The following NAV2 variants were observed in gnomAD, a reference collection of about 807,000 sequenced individuals.
NAV2 encodes neuron navigator 2, also known as helicase, APC down-regulated 1.
In NAV2, 54 loss-of-function variants were observed where a neutral mutation model predicts 223.2. The ratio of observed to expected loss-of-function variants is 0.24; its 90% CI spans 0.19 to 0.30. The LOEUF (loss-of-function observed/expected upper bound fraction) is 0.30, where lower values mean the gene tolerates loss of function less well. Ranked by LOEUF, NAV2 falls within the 10% of genes least tolerant of loss-of-function variation. The pLI, the probability that NAV2 is intolerant of heterozygous loss-of-function variation, is 1.00. For synonymous variants in NAV2, 1,279 were observed against 1,239.3 expected, an observed-to-expected ratio of 1.03 and a Z score of -0.67; for missense variants, 2,806 against 3,147.5, an observed-to-expected ratio of 0.89 and a Z score of 2.60.
upstream of NAV2, among the ~76,000 whole-genome samples, chr11:19,346,862 A>G (rs1458574781): frequency 2.0e-5 from 3 of 152,216 alleles, no homozygotes; most frequent in Non-Finnish European, 4.4e-5. Flanking sequence ...GAAAAGCTAG[A>G]TTTCCAAGAA....
In NAV2 at chr11:19,955,587, AAG is replaced by A. The variant is rs200229645; in HGVS notation, c.2645+6513_2645+6514del. On this transcript the variant is annotated intron_variant, in intron 10 of 37. Coordinates refer to ENST00000349880, the MANE Select transcript of NAV2 (RefSeq NM_145117.5). ...AGCTTGACATTGTCAATACAAGAAA[AAG>A]AGAGAACTAGGGGCATTTGCCATGT... 4.7e-4 allele frequency among the ~76,000 whole-genome samples: 71 copies of A among 152,310 alleles called. No homozygotes were observed. The East Asian group carries it at 0.012, about 26-fold the overall frequency.
chr11:20,114,922 A>C, intron 37 of NAV2, 127 bp downstream of exon 37: 1 of 888,358 alleles, frequency 1.1e-6, no homozygotes, highest in Non-Finnish European at 1.7e-6. Context: ...CTGGACCCAA[A>C]TGACTGGGCC....
chr11:20,059,186 C>T (rs1212752948), intron 19 of NAV2, among the ~76,000 whole-genome samples: 3 of 152,076 alleles, frequency 2.0e-5, no homozygotes, highest in African/African-American at 7.2e-5. Flanking sequence ...CATTAGCCAT[C>T]AGCACTGCAT....
intron 10 of NAV2, among the ~76,000 whole-genome samples, chr11:19,969,305 T>C (rs2049028062): frequency 6.6e-6 from 1 of 152,158 alleles, no homozygotes; most frequent in African/African-American, 2.4e-5. Context: ...AGTGGACTCT[T>C]TGCTGGAGCC....
At chr11:19,965,579 G>A (rs1422764972) in intron 10 of NAV2, among the ~76,000 whole-genome samples, 1 of 152,106 alleles carries the variant, frequency 6.6e-6, no homozygotes, top group Admixed American at 6.5e-5. Flanking sequence ...CCTTTCTTCT[G>A]ATCCCAATGC....
chr11:20,115,655 A>AAAG (rs2063019730), intron 37 of NAV2, among the ~76,000 whole-genome samples: 1 of 147,008 alleles, frequency 6.8e-6, no homozygotes, highest in East Asian at 2.1e-4. Flanking sequence ...AAAAAAAAAA[A>AAAG]GCACCCGGGC....
At chr11:20,070,328 C>T (rs899067497) in intron 22 of NAV2, among the ~76,000 whole-genome samples, 3 of 152,316 alleles carry the variant, frequency 2.0e-5, no homozygotes, top group Admixed American at 2.0e-4. Context: ...TTCTGAGCTA[C>T]TCTCCTAGTT....
At chr11:19,626,103 T>G (rs1376502445) in intron 1 of NAV2, among the ~76,000 whole-genome samples, 1 of 152,236 alleles carries the variant, frequency 6.6e-6, no homozygotes, top group African/African-American at 2.4e-5. Context: ...TCATAAAATC[T>G]TCTCCAATAC....
intron 1 of NAV2, among the ~76,000 whole-genome samples, chr11:19,703,694 T>C (rs952139002): frequency 2.0e-5 from 3 of 152,220 alleles, no homozygotes; most frequent in African/African-American, 7.2e-5. Flanking sequence ...TAACATAGAT[T>C]GAAATTATCC....
At chr11:19,425,096 G>A (rs982549907) in intron 1 of NAV2, among the ~76,000 whole-genome samples, 2 of 151,984 alleles carry the variant, frequency 1.3e-5, no homozygotes, top group Admixed American at 6.6e-5. Context: ...ATAAGACTAC[G>A]GGCTATTATG....
intron 29 of NAV2, 82 bp from the exon 30 acceptor site, chr11:20,095,590 C>T: frequency 2.1e-6 from 2 of 962,724 alleles, no homozygotes; most frequent in Non-Finnish European, 3.4e-6. Context: ...TGGCGGAGTT[C>T]TAAGGCAACC....
At chr11:19,596,105 C>T (rs533675237) in intron 1 of NAV2, among the ~76,000 whole-genome samples, 30 of 152,278 alleles carry the variant, frequency 2.0e-4, no homozygotes, top group Admixed American at 5.9e-4. Flanking sequence ...CTGCAACCCA[C>T]GGTTTTGGAA....
intron 1 of NAV2, among the ~76,000 whole-genome samples, chr11:19,799,733 T>C (rs2058125402): frequency 6.6e-6 from 1 of 152,180 alleles, no homozygotes; most frequent in African/African-American, 2.4e-5. Context: ...GAGTCCCAAG[T>C]GCAGTAGAGA....
intron 1 of NAV2, among the ~76,000 whole-genome samples, chr11:19,456,837 ACT>A (rs1564950782): frequency 6.6e-6 from 1 of 151,892 alleles, no homozygotes; most frequent in East Asian, 1.9e-4. Flanking sequence ...CCAGGACTAG[ACT>A]CTCCTGGACA....
intron 1 of NAV2, among the ~76,000 whole-genome samples, chr11:19,793,226 A>AG (rs1182578774): frequency 7.9e-6 from 1 of 127,268 alleles, no homozygotes; most frequent in Non-Finnish European, 1.6e-5. Context: ...AAAAAAAAAA[A>AG]AAAGAAAGAA....
rs554375862 is a variant in NAV2 at position 19,481,524 on chromosome 11, T to C, written c.75+130497T>C. 3.9e-5 allele frequency among the ~76,000 whole-genome samples: 6 copies of C among 152,330 alleles called. No homozygotes were observed. The South Asian group carries it at 8.3e-4, about 21-fold the overall frequency. ...AAGTACTGACTCTTCCACTTATTAA[T>C]TGGGTGTTGCAGGGCAAAATACTTA... On this transcript the variant is annotated intron_variant, in intron 1 of 37. Transcript: ENST00000360655.
chr11:20,045,499 G>C lies in NAV2; in HGVS notation c.3731G>C (p.Gly1244Ala). Reference sequence around the variant, plus strand: ...ACAGCCCTAGGCAGCTCTCTACCAGGTCTGGTCAACCAAACAGACAAGGAG... The same window carrying C: ...ACAGCCCTAGGCAGCTCTCTACCAGCTCTGGTCAACCAAACAGACAAGGAG... Reference protein sequence around the residue: ...SKTALGSSLPGLVNQTDKEKG... With the variant: ...SKTALGSSLPALVNQTDKEKG... The change falls in exon 14 of 38, where the codon GGT becomes GCT. Residue 1244 changes from glycine (G) to alanine (A), a missense_variant. Physicochemically the swap from Gly to Ala is moderately conservative, Grantham distance 60 (BLOSUM62 0). Coordinates refer to ENST00000349880, the MANE Select transcript of NAV2 (RefSeq NM_145117.5). 1 of 1,614,156 alleles carries C rather than the reference G, an allele frequency of 6.2e-7. No individual in the cohort carries two copies. The highest frequency in any genetic ancestry group is 8.5e-7 in the Non-Finnish European group (1 of 1,180,024).
Position 19,660,753 on chromosome 11 carries a change from C to T in NAV2, c.76-171731C>T, listed in dbSNP as rs145763917. ...TTGAATATAATTTCTAAACATTTGT[C>T]TGCTGCTCCAAGGTTCTGAAATGAG... On this transcript the variant is annotated intron_variant, in intron 1 of 37. Transcript: ENST00000360655. 3.7e-3 allele frequency among the ~76,000 whole-genome samples: 568 copies of T among 152,288 alleles called. 5 individuals carry two copies. Among genetic ancestry groups the T allele is most frequent in the African/African-American group, 0.013 (545 of 41,564 alleles).
chr11:20,105,816 C>T (rs957675512), intron 35 of NAV2, 89 bp downstream of exon 35: 3 of 1,043,152 alleles, frequency 2.9e-6, no homozygotes, highest in Middle Eastern at 3.2e-4. Flanking sequence ...TTTGCAGGCA[C>T]AGTCAGCAGA....
Sources: gnomAD v4.1 joint callset for allele counts (sites outside exome capture counted in the v4.1 genomes callset) on GRCh38, gnomAD v4.1.1 for gene constraint, MANE v1.5 for transcripts, NCBI Gene and HGNC (gene_info 2026-07-23, HGNC 2026-07-21) for gene names.